The following WWOX variants were observed in gnomAD, a reference collection of about 807,000 sequenced individuals.
The protein encoded by WWOX is WW domain-containing oxidoreductase.
In WWOX, 69 loss-of-function variants were observed where a neutral mutation model predicts 46.2. That is an observed-to-expected ratio of 1.49 (90% CI 1.23 to 1.82). The LOEUF is 1.82. Among genes scored for constraint, WWOX ranks in the 40% most tolerant of loss-of-function variants. The pLI is 0.00. For missense variants in WWOX, 919 were observed against 542.6 expected (o/e 1.69, Z -6.89); for synonymous variants, 359 against 202.6 (o/e 1.77, Z -6.56).
At chr16:78,252,782 C>T (rs1483344477) in intron 5 of WWOX, among the ~76,000 whole-genome samples, 1 of 152,146 alleles carries the variant, frequency 6.6e-6, no homozygotes, top group Non-Finnish European at 1.5e-5. Context: ...TATAGCAAAT[C>T]ATCAAAAAAC....
At chr16:78,630,390 A>T (rs538717749) in intron 8 of WWOX, among the ~76,000 whole-genome samples, 5 of 152,174 alleles carry the variant, frequency 3.3e-5, no homozygotes, top group Non-Finnish European at 7.3e-5. Context: ...TGTACCAAAA[A>T]TAGGGCTCAT....
At chr16:78,880,654 G>T (rs2044323563) in intron 8 of WWOX, among the ~76,000 whole-genome samples, 1 of 152,160 alleles carries the variant, frequency 6.6e-6, no homozygotes, top group African/African-American at 2.4e-5. Flanking sequence ...ATTGGTGAGG[G>T]AATTCACTTG....
intron 8 of WWOX, among the ~76,000 whole-genome samples, chr16:78,699,652 T>C (rs1477013546): frequency 6.6e-6 from 1 of 152,220 alleles, no homozygotes; most frequent in African/African-American, 2.4e-5. Flanking sequence ...GCTTCTGTGA[T>C]TTTAAAAAGG....
At chr16:78,686,680 C>T (rs1471481544) in intron 8 of WWOX, among the ~76,000 whole-genome samples, 1 of 152,126 alleles carries the variant, frequency 6.6e-6, no homozygotes, top group African/African-American at 2.4e-5. Flanking sequence ...ATGATAAGGA[C>T]ATTTTTCCGG....
intron 8 of WWOX, among the ~76,000 whole-genome samples, chr16:78,738,090 T>A (rs549480219): frequency 2.2e-4 from 34 of 152,108 alleles, no homozygotes; most frequent in African/African-American, 7.5e-4. Context: ...TCCAGAAAGC[T>A]AGAGGTTCTA....
chr16:78,608,115 C>G (rs8060076), intron 8 of WWOX, among the ~76,000 whole-genome samples: 3,601 of 152,222 alleles, frequency 0.024, 157 homozygotes, highest in African/African-American at 0.082. Context: ...GTGGCTTTCT[C>G]CAAGCCTGAG....
At chr16:78,631,927 C>G (rs1296196650) in intron 8 of WWOX, among the ~76,000 whole-genome samples, 2 of 151,882 alleles carry the variant, frequency 1.3e-5, no homozygotes, top group African/African-American at 2.4e-5. Context: ...ATTCTGTCTT[C>G]TATGAAATGA....
chr16:78,188,796 G>T (rs1323677960), intron 5 of WWOX, among the ~76,000 whole-genome samples: 1 of 152,070 alleles, frequency 6.6e-6, no homozygotes, highest in African/African-American at 2.4e-5. Context: ...TTTTGAAATC[G>T]TATCAGTGGT....
intron 8 of WWOX, among the ~76,000 whole-genome samples, chr16:78,499,199 G>C (rs1020855258): frequency 3.3e-5 from 5 of 151,964 alleles, no homozygotes; most frequent in Non-Finnish European, 7.4e-5. Flanking sequence ...GTCCACGCTG[G>C]CCCTAGCTCA....
intron 8 of WWOX, among the ~76,000 whole-genome samples, chr16:78,493,334 G>A (rs142196757): frequency 1.3e-5 from 2 of 152,140 alleles, no homozygotes; most frequent in Non-Finnish European, 2.9e-5. Flanking sequence ...AGCTTCCCTG[G>A]AAAGAAAGGA....
chr16:78,588,407 CTG>C (rs533850888), intron 8 of WWOX, among the ~76,000 whole-genome samples: 4 of 152,254 alleles, frequency 2.6e-5, no homozygotes, highest in Middle Eastern at 3.4e-3. Flanking sequence ...TGGGGCTACT[CTG>C]TACTCAGATG....
At chr16:78,541,202 C>T (rs988255749) in intron 8 of WWOX, among the ~76,000 whole-genome samples, 9 of 152,076 alleles carry the variant, frequency 5.9e-5, no homozygotes, top group African/African-American at 1.7e-4. Context: ...CGGCCGGGCG[C>T]GGTGGCTCAC....
intron 8 of WWOX, among the ~76,000 whole-genome samples, chr16:78,842,513 AC>A (rs1460618167): frequency 6.6e-6 from 1 of 152,064 alleles, no homozygotes; most frequent in African/African-American, 2.4e-5. Flanking sequence ...GAAAAAGAAA[AC>A]AAAAAGTTGG....
At chr16:78,608,900 C>G (rs77649616) in intron 8 of WWOX, among the ~76,000 whole-genome samples, 1,758 of 152,172 alleles carry the variant, frequency 0.012, 37 homozygotes, top group African/African-American at 0.041. Flanking sequence ...GGTCTGACCT[C>G]GGAAACTTCC....
chr16:78,191,556 C>T (rs1035806656), intron 5 of WWOX, among the ~76,000 whole-genome samples: 4 of 152,276 alleles, frequency 2.6e-5, no homozygotes, highest in Non-Finnish European at 4.4e-5. Flanking sequence ...TATAGCATCC[C>T]GTGTGAATAT....
intron 8 of WWOX, among the ~76,000 whole-genome samples, chr16:79,000,692 TC>T (rs1567473279): frequency 1.3e-5 from 2 of 152,214 alleles, no homozygotes; most frequent in African/African-American, 4.8e-5. Context: ...ATTGTGGCCT[TC>T]TGACCTTCAG....
chr16:78,281,834 G>A (rs1275400460), intron 5 of WWOX, among the ~76,000 whole-genome samples: 1 of 152,192 alleles, frequency 6.6e-6, no homozygotes, highest in East Asian at 1.9e-4. Context: ...CCTGCTTAGA[G>A]TCTAGCTTTA....
At chr16:78,914,836 G>A (rs983053024) in intron 8 of WWOX, among the ~76,000 whole-genome samples, 2 of 141,982 alleles carry the variant, frequency 1.4e-5, no homozygotes, top group African/African-American at 5.3e-5. Flanking sequence ...CCAGGATCGC[G>A]CCACTGCACT....
intron 8 of WWOX, among the ~76,000 whole-genome samples, chr16:79,124,128 T>C (rs1245939631): frequency 6.6e-6 from 1 of 152,166 alleles, no homozygotes; most frequent in Non-Finnish European, 1.5e-5. Flanking sequence ...CAAGTTGATT[T>C]TATAAACTTC....
Sources: allele counts gnomAD v4.1 joint callset (sites outside exome capture counted in the v4.1 genomes callset), GRCh38; gene constraint gnomAD v4.1.1; transcripts MANE v1.5; gene names NCBI Gene and HGNC (gene_info 2026-07-23, HGNC 2026-07-21).